The following TTLL9 variants were observed in gnomAD, a reference collection of about 807,000 sequenced individuals.
TTLL9 encodes probable tubulin polyglutamylase TTLL9.
Under a neutral mutation model 65.6 loss-of-function variants are expected in TTLL9, and 47 were observed. The observed-to-expected ratio is 0.72, with a 90% CI of 0.57 to 0.91. TTLL9 has a LOEUF of 0.91. TTLL9 is among the 40% of genes least tolerant of loss of function. The pLI, the probability that TTLL9 is intolerant of heterozygous loss-of-function variation, is 0.00. For synonymous variants in TTLL9, 179 were observed against 204.8 expected (o/e 0.87, Z 1.07); for missense variants, 537 against 568.8 (o/e 0.94, Z 0.57).
intron 3 of TTLL9, among the ~76,000 whole-genome samples, chr20:31,892,875 C>T (rs183081168): frequency 1.3e-5 from 2 of 152,156 alleles, no homozygotes; most frequent in South Asian, 2.1e-4. Flanking sequence ...CCCCTCTGAT[C>T]GTTTGTGCTG....
At chr20:31,903,554 C>T (rs1232166424) in intron 4 of TTLL9, among the ~76,000 whole-genome samples, 1 of 152,214 alleles carries the variant, frequency 6.6e-6, no homozygotes, top group African/African-American at 2.4e-5. Context: ...TTGCCTAATC[C>T]AAGGTCACAA....
chr20:31,874,132 T>C (rs988041063), intron 2 of TTLL9, among the ~76,000 whole-genome samples: 3 of 152,256 alleles, frequency 2.0e-5, no homozygotes, highest in African/African-American at 7.2e-5. Flanking sequence ...ATCTATGTAC[T>C]GTTCAGCCTT....
chr20:31,934,940 C>G, intron 12 of TTLL9, 52 bp downstream of exon 12: 1 of 1,529,662 alleles, frequency 6.5e-7, no homozygotes, highest in Non-Finnish European at 8.9e-7. Context: ...TACTCGGCAC[C>G]CAGACTGCCC....
At chr20:31,930,459 T>C (rs1263633135) in intron 10 of TTLL9, among the ~76,000 whole-genome samples, 3 of 152,242 alleles carry the variant, frequency 2.0e-5, no homozygotes, top group African/African-American at 7.2e-5. Context: ...AACTTTGAGC[T>C]TTTTCCCAGA....
intron 4 of TTLL9, among the ~76,000 whole-genome samples, chr20:31,899,770 G>T (rs77513047): frequency 4.2e-5 from 6 of 142,614 alleles, no homozygotes; most frequent in African/African-American, 1.1e-4. Flanking sequence ...GGAAAATGTT[G>T]TTTTTTTTTT....
At chr20:31,903,406 T>A (rs2063505656) in intron 4 of TTLL9, among the ~76,000 whole-genome samples, 1 of 152,242 alleles carries the variant, frequency 6.6e-6, no homozygotes, top group Non-Finnish European at 1.5e-5. Flanking sequence ...AATACTTTAC[T>A]TTCTTCCATT....
intron 6 of TTLL9, among the ~76,000 whole-genome samples, chr20:31,911,835 T>C (rs919598506): frequency 1.4e-3 from 17 of 12,590 alleles, no homozygotes; most frequent in African/African-American, 3.5e-3. Flanking sequence ...TCTGTGCGTG[T>C]GTGTGTGTGT....
At chr20:31,890,056 T>C (rs6141621) in intron 3 of TTLL9, among the ~76,000 whole-genome samples, 6 of 128,396 alleles carry the variant, frequency 4.7e-5, no homozygotes, top group African/African-American at 1.6e-4. Flanking sequence ...CTTTCTTTCT[T>C]TCTCTTTCTT....
chr20:31,893,644 A>G (rs1600543540), intron 3 of TTLL9, among the ~76,000 whole-genome samples: 1 of 145,230 alleles, frequency 6.9e-6, no homozygotes, highest in South Asian at 2.2e-4. Flanking sequence ...TCACCCCTCT[A>G]TGCGATGTGT....
chr20:31,889,974 CTTTCTTTCTTT>C (rs2063264313), intron 3 of TTLL9, among the ~76,000 whole-genome samples: 1 of 34,624 alleles, frequency 2.9e-5, no homozygotes, highest in Non-Finnish European at 5.2e-5. Flanking sequence ...ACATCTCTCT[CTTTCTTTCTTT>C]CTTTCTTTCT....
chr20:31,880,134 G>T (rs988309559), intron 2 of TTLL9, among the ~76,000 whole-genome samples: 2 of 152,152 alleles, frequency 1.3e-5, no homozygotes, highest in Non-Finnish European at 2.9e-5. Context: ...AAGCTGCTGC[G>T]CAAGTCCCGC....
intron 6 of TTLL9, among the ~76,000 whole-genome samples, chr20:31,911,595 A>G (rs980125964): frequency 9.2e-5 from 14 of 152,204 alleles, no homozygotes; most frequent in African/African-American, 3.1e-4. Context: ...GCAGTGAGGA[A>G]GGCCGTGGCT....
intron 3 of TTLL9, among the ~76,000 whole-genome samples, chr20:31,897,520 T>C (rs2063404585): frequency 6.6e-6 from 1 of 152,218 alleles, no homozygotes; most frequent in Non-Finnish European, 1.5e-5. Context: ...TTGATTTTAT[T>C]GATTTCCAGC....
At position 31,919,262 on chromosome 20, in the gene TTLL9, C is replaced by T. The variant is rs567717459; in HGVS notation, c.505-602C>T. Among the ~76,000 whole-genome samples, 6 of 152,296 alleles carry T rather than the reference C, an allele frequency of 3.9e-5. No homozygotes were observed. The South Asian group carries it at 1.2e-3, about 32-fold the overall frequency. ...TTCATATATACCTTTTGGATGACTACTTAACAAAGCTATCCTGTAACAAAA... is the reference window on the plus strand; with the variant it reads ...TTCATATATACCTTTTGGATGACTATTTAACAAAGCTATCCTGTAACAAAA... On this transcript the variant is annotated intron_variant, in intron 6 of 14. Transcript: ENST00000535842.
At chr20:31,902,109 C>CT (rs59764711) in intron 4 of TTLL9, among the ~76,000 whole-genome samples, 9 of 151,540 alleles carry the variant, frequency 5.9e-5, no homozygotes, top group Non-Finnish European at 7.4e-5. Flanking sequence ...ATCATCACCA[C>CT]TTTTTTTTTC....
intron 2 of TTLL9, among the ~76,000 whole-genome samples, chr20:31,872,149 C>T (rs980133120): frequency 6.6e-6 from 1 of 151,990 alleles, no homozygotes; most frequent in African/African-American, 2.4e-5. Flanking sequence ...AAATTATTTA[C>T]AAATGGTCCC....
intron 4 of TTLL9, among the ~76,000 whole-genome samples, chr20:31,902,824 T>C (rs934281774): frequency 2.0e-5 from 3 of 152,118 alleles, no homozygotes; most frequent in African/African-American, 7.2e-5. Flanking sequence ...GGTGCCGATT[T>C]TTCCACATCC....
intron 12 of TTLL9, 40 bp downstream of exon 12, chr20:31,934,928 C>T (rs975590092): frequency 6.4e-7 from 1 of 1,572,620 alleles, no homozygotes; most frequent in Non-Finnish European, 8.7e-7. Flanking sequence ...TCATAGTTTG[C>T]ATACTCGGCA....
At chr20:31,895,478 G>A (rs939166344) in intron 3 of TTLL9, among the ~76,000 whole-genome samples, 1 of 152,192 alleles carries the variant, frequency 6.6e-6, no homozygotes, top group African/African-American at 2.4e-5. Context: ...CTTATTATCT[G>A]GCAAATCATG....
Sources: gnomAD v4.1 joint callset for allele counts (sites outside exome capture counted in the v4.1 genomes callset) on GRCh38, gnomAD v4.1.1 for gene constraint, MANE v1.5 for transcripts, NCBI Gene and HGNC (gene_info 2026-07-23, HGNC 2026-07-21) for gene names.